The following AGAP1 variants were observed in gnomAD, a reference collection of about 807,000 sequenced individuals.
The protein encoded by AGAP1 is arf-GAP with GTPase, ANK repeat and PH domain-containing protein 1.
AGAP1 carries 29 observed loss-of-function variants against 105.3 expected under a neutral mutation model. That is an observed-to-expected ratio of 0.28 (90% CI 0.21 to 0.38). The LOEUF (loss-of-function observed/expected upper bound fraction) is 0.38, where lower values mean the gene tolerates loss of function less well. AGAP1 is among the 10% of genes least tolerant of loss of function. The probability of loss-of-function intolerance (pLI) is 1.00; values close to 1 mark genes in which losing one functional copy is unlikely to be tolerated. For missense variants in AGAP1, 998 were observed against 1,165.1 expected, an observed-to-expected ratio of 0.86 and a Z score of 2.09; for synonymous variants, 509 against 485.9, an observed-to-expected ratio of 1.05 and a Z score of -0.63.
rs2055093459 is a variant in AGAP1, at chr2:235,981,474, C to CAT, written c.1645+12851_1645+12852insAT. On this transcript the variant is annotated intron_variant, in intron 13 of 17. Transcript: ENST00000304032. The surrounding 1 kb of genome is among the most constrained non-coding windows in gnomAD (Gnocchi z 5.5). The stretch of plus-strand genomic sequence containing the variant: ...GTACACACACACACACACACACACA[C>CAT]GGTGTTATTTTTTTTCTTTCTGAAT... Among the ~76,000 whole-genome samples, 1 of 150,354 alleles carries CAT rather than the reference C, an allele frequency of 6.7e-6. No individual in the cohort carries two copies. The highest frequency in any genetic ancestry group is 6.6e-5 in the Admixed American group (1 of 15,150).
Position 235,852,958 on chromosome 2 carries a change from C to G in AGAP1, c.1051-30387C>G, listed in dbSNP as rs2048538881. 3.2e-6 allele frequency: 4 copies of G among 1,264,994 alleles called. No homozygotes were observed. In the Admixed American group the frequency reaches 1.2e-4, roughly 39 times the overall value. 78.4% of individuals were successfully genotyped at this position (1,264,994 alleles called of 1,614,324 possible). A position where few individuals can be genotyped will look rare whatever the true frequency, so the allele number is the denominator to read the frequency against. Reference sequence around the variant, plus strand: ...ATCTCTGATAGACCTTTGACACCTTCCAACAAAGAGGTTACAGGAGGGAGA... The same window carrying G: ...ATCTCTGATAGACCTTTGACACCTTGCAACAAAGAGGTTACAGGAGGGAGA... On this transcript the variant is annotated intron_variant, in intron 9 of 17. Transcript: ENST00000304032.
chr2:236,002,929 C>A lies in AGAP1; in HGVS notation c.1646-33632C>A, dbSNP rs1350617353. On this transcript the variant is annotated intron_variant, in intron 13 of 17. Transcript: ENST00000304032. This position sits in a 1 kb window ranked among gnomAD's most constrained non-coding sequence, Gnocchi z 4.3. ...AGGGCCGGGGTCGCTGGGTTCCAGG[C>A]GCAGCCATGAGACACCTGCTCTGCA... 6.6e-6 allele frequency among the ~76,000 whole-genome samples: 1 copy of A among 152,052 alleles called. No individual in the cohort carries two copies. The highest frequency in any genetic ancestry group is 2.4e-5 in the African/African-American group (1 of 41,386).
intron 1 of AGAP1, among the ~76,000 whole-genome samples, chr2:235,588,457 C>T (rs56094659): frequency 0.086 from 13,091 of 152,030 alleles, 781 homozygotes; most frequent in Non-Finnish European, 0.13. Flanking sequence ...ACATTCAAGA[C>T]CCCTTAGAAC....
At position 236,080,474 on chromosome 2, in the gene AGAP1, A is replaced by G. The variant is rs1037503200; in HGVS notation, c.2114+31193A>G. Among the ~76,000 whole-genome samples, 1 of 152,182 alleles carries G rather than the reference A, an allele frequency of 6.6e-6. No individual in the cohort carries two copies. The highest frequency in any genetic ancestry group is 6.5e-5 in the Admixed American group (1 of 15,272). On this transcript the variant is annotated intron_variant, in intron 16 of 17. Transcript: ENST00000304032. The surrounding 1 kb of genome is among the most constrained non-coding windows in gnomAD (Gnocchi z 4.2). ...AGGGAAGAGTTGTTACGGAGACTCT[A>G]TGGCCAAGAGGGACAGATCACACTA... is the stretch of plus-strand genomic sequence containing the variant.
rs772512579 is a variant in AGAP1, at chr2:235,992,935, G to T, written c.1645+24312G>T. 7.9e-5 allele frequency among the ~76,000 whole-genome samples: 12 copies of T among 152,130 alleles called. No homozygotes were observed. The highest frequency in any genetic ancestry group is 1.6e-4 in the Non-Finnish European group (11 of 68,014). ...ACCTCCTCCCTACCTGGGAGAACCT[G>T]GCTGGCCACATAGTGGAACTGGAAA... On this transcript the variant is annotated intron_variant, in intron 13 of 17. Coordinates refer to ENST00000304032, the MANE Select transcript of AGAP1 (RefSeq NM_001037131.3). The surrounding 1 kb of genome is among the most constrained non-coding windows in gnomAD (Gnocchi z 4.8).
intron 11 of AGAP1, among the ~76,000 whole-genome samples, chr2:235,926,612 T>G (rs569095748): frequency 9.8e-4 from 149 of 152,382 alleles, no homozygotes; most frequent in Non-Finnish European, 1.7e-3. Flanking sequence ...TTTTGTTGGT[T>G]TTTCTGAAAG....
At chr2:235,628,863 G>A (rs767191545) in intron 1 of AGAP1, among the ~76,000 whole-genome samples, 1 of 152,172 alleles carries the variant, frequency 6.6e-6, no homozygotes, top group South Asian at 2.1e-4. Context: ...CCAGGCTGGA[G>A]TGCAGTGCTG....
chr2:236,047,544 T>G (rs1312502900), intron 15 of AGAP1, among the ~76,000 whole-genome samples: 4 of 150,678 alleles, frequency 2.7e-5, no homozygotes, highest in Non-Finnish European at 2.9e-5. Flanking sequence ...ATGCATAGGT[T>G]TCCCCTTCCC....
intron 3 of AGAP1, chr2:235,718,300 G>A (rs867127706): frequency 9.6e-5 from 86 of 896,844 alleles, no homozygotes; most frequent in Non-Finnish European, 1.1e-4. Flanking sequence ...TTTTCTCTCC[G>A]TGTAACTTTG....
chr2:235,759,453 G>C (rs1263003869), intron 6 of AGAP1, among the ~76,000 whole-genome samples: 1 of 152,208 alleles, frequency 6.6e-6, no homozygotes, highest in Non-Finnish European at 1.5e-5. Flanking sequence ...ACAGGCGTGA[G>C]CCACCGCGCC....
In AGAP1 at chr2:235,774,695, G is replaced by A. The variant is rs575894796; in HGVS notation, c.674-23064G>A. Among the ~76,000 whole-genome samples, 18 of 152,264 alleles carry A rather than the reference G, an allele frequency of 1.2e-4. No homozygotes were observed. The East Asian group carries it at 3.5e-3, about 29-fold the overall frequency. On this transcript the variant is annotated intron_variant, in intron 6 of 17. Transcript: ENST00000304032. ...GCCTGCATCTTTATGGCGGTACTTT[G>A]ATTCCAATCAGAGATTTCACATGAA... is the stretch of plus-strand genomic sequence containing the variant.
chr2:236,082,595 C>G lies in AGAP1; in HGVS notation c.2114+33314C>G, dbSNP rs1420023631. Among the ~76,000 whole-genome samples the G allele has an allele frequency of 6.6e-6, 1 of 152,238 alleles. No individual in the cohort carries two copies. The highest frequency in any genetic ancestry group is 1.5e-5 in the Non-Finnish European group (1 of 68,038). ...TTCACCTAGTTAAAGAAAAGAGGGC[C>G]AGGTGCAACGGCTCACGCCTGTAAT... On this transcript the variant is annotated intron_variant, in intron 16 of 17. Transcript: ENST00000304032. This position sits in a 1 kb window ranked among gnomAD's most constrained non-coding sequence, Gnocchi z 4.2.
intron 13 of AGAP1, among the ~76,000 whole-genome samples, chr2:236,019,959 C>G (rs2056835622): frequency 6.6e-6 from 1 of 152,240 alleles, no homozygotes; most frequent in East Asian, 1.9e-4. Context: ...AGTGAGCATT[C>G]TCCAGGCTCA....
chr2:235,522,186 C>T (rs1350961969), intron 1 of AGAP1, among the ~76,000 whole-genome samples: 3 of 152,150 alleles, frequency 2.0e-5, no homozygotes, highest in South Asian at 2.1e-4. Context: ...AAACATTGTT[C>T]GTGTGCCCGA....
rs1007923785 is a variant in AGAP1 at position 235,721,311 on chromosome 2, A to G, written c.310+3667A>G. Among the ~76,000 whole-genome samples, 2 of 152,200 alleles carry G rather than the reference A, an allele frequency of 1.3e-5. No individual in the cohort carries two copies. Among genetic ancestry groups the G allele is most frequent in the Non-Finnish European group, 2.9e-5 (2 of 68,044 alleles). On this transcript the variant is annotated intron_variant, in intron 3 of 17. Transcript: ENST00000304032. This position sits in a 1 kb window ranked among gnomAD's most constrained non-coding sequence, Gnocchi z 4.5. ...GCATGAGCCACCACGTCCAGCCAAG[A>G]CTTAGATAATTTTAAAGATGCAGTT...
chr2:235,598,096 T>G (rs965415152), intron 1 of AGAP1, among the ~76,000 whole-genome samples: 4 of 150,962 alleles, frequency 2.6e-5, no homozygotes, highest in Admixed American at 6.6e-5. Context: ...GTTTCCTTTG[T>G]GTGGAGCGTG....
chr2:235,965,811 T>C lies in AGAP1; in HGVS notation c.1484-2651T>C, dbSNP rs2054364929. ...TTTAGGAAAGTGGGCATGAAAGATCTTGGGACCTCTGAGGACAGAAGTGAC... is the reference window on the plus strand; with the variant it reads ...TTTAGGAAAGTGGGCATGAAAGATCCTGGGACCTCTGAGGACAGAAGTGAC... On this transcript the variant is annotated intron_variant, in intron 12 of 17. Coordinates refer to ENST00000304032, the MANE Select transcript of AGAP1 (RefSeq NM_001037131.3). This position sits in a 1 kb window ranked among gnomAD's most constrained non-coding sequence, Gnocchi z 5.8. Among the ~76,000 whole-genome samples the C allele has an allele frequency of 6.6e-6, 1 of 152,104 alleles. No homozygotes were observed. The highest frequency in any genetic ancestry group is 2.4e-5 in the African/African-American group (1 of 41,412).
At position 235,494,304 on chromosome 2, in the gene AGAP1, G is replaced by C. The variant is rs1941209274; in HGVS notation, c.-383G>C. ...GGCGCTCGGAGCGCGGCGGCTGCCTGGGCTTTAATGGCTGCTCCGCGGAGC... is the reference window on the plus strand; with the variant it reads ...GGCGCTCGGAGCGCGGCGGCTGCCTCGGCTTTAATGGCTGCTCCGCGGAGC... On this transcript the variant is annotated 5_prime_UTR_variant, in exon 1 of 18. Coordinates refer to ENST00000304032, the MANE Select transcript of AGAP1 (RefSeq NM_001037131.3). The C allele has an allele frequency of 6.9e-6, 1 of 144,272 alleles. No homozygotes were observed. The highest frequency in any genetic ancestry group is 2.5e-5 in the African/African-American group (1 of 40,128). 8.9% of individuals were successfully genotyped at this position (144,272 alleles called of 1,614,324 possible).
intron 3 of AGAP1, among the ~76,000 whole-genome samples, chr2:235,726,670 C>G (rs1951664239): frequency 6.6e-6 from 1 of 152,138 alleles, no homozygotes; most frequent in African/African-American, 2.4e-5. Context: ...TATAGCAGAC[C>G]ACTGTGCCCC....
Sources: gnomAD v4.1 joint callset for allele counts (sites outside exome capture counted in the v4.1 genomes callset) on GRCh38, gnomAD v4.1.1 for gene constraint, Gnocchi (gnomAD v3.1) non-coding constraint, MANE v1.5 for transcripts, NCBI Gene and HGNC (gene_info 2026-07-23, HGNC 2026-07-21) for gene names.